The following RANBP17 variants were observed in gnomAD, a reference collection of about 807,000 sequenced individuals.
RANBP17 encodes the protein ran-binding protein 17.
Under a neutral mutation model 141.2 loss-of-function variants are expected in RANBP17, and 158 were observed. The observed-to-expected ratio is 1.12, with a 90% CI of 0.98 to 1.28. The LOEUF (loss-of-function observed/expected upper bound fraction) is 1.28, where lower values mean the gene tolerates loss of function less well. RANBP17 is among the 50% of genes most tolerant of loss of function. The probability of loss-of-function intolerance (pLI) is 0.00; values close to 1 mark genes in which losing one functional copy is unlikely to be tolerated. For synonymous variants in RANBP17, 430 were observed against 450.0 expected, an observed-to-expected ratio of 0.96 and a Z score of 0.56; for missense variants, 1,438 against 1,290.7, an observed-to-expected ratio of 1.11 and a Z score of -1.75.
chr5:170,996,530 C>T (rs12716267), intron 14 of RANBP17, among the ~76,000 whole-genome samples: 103,678 of 151,980 alleles, frequency 0.68, 35,570 homozygotes, highest in South Asian at 0.89. Flanking sequence ...CTGGAGCATT[C>T]TGATTTCATA....
chr5:171,090,289 T>C (rs1323118248), intron 14 of RANBP17, among the ~76,000 whole-genome samples: 1 of 152,198 alleles, frequency 6.6e-6, no homozygotes, highest in Non-Finnish European at 1.5e-5. Flanking sequence ...ACTCTTGTTA[T>C]GTTTTAGCAA....
intron 13 of RANBP17, among the ~76,000 whole-genome samples, chr5:170,961,063 G>C (rs145977163): frequency 6.6e-6 from 1 of 151,128 alleles, no homozygotes; most frequent in Non-Finnish European, 1.5e-5. Context: ...CCTTTAGATG[G>C]CTACACATGC....
intron 14 of RANBP17, among the ~76,000 whole-genome samples, chr5:171,020,063 C>G (rs1421454556): frequency 6.6e-6 from 1 of 152,128 alleles, no homozygotes; most frequent in Non-Finnish European, 1.5e-5. Context: ...TGTTCAGTTT[C>G]CATGTAATTG....
intron 14 of RANBP17, among the ~76,000 whole-genome samples, chr5:171,016,152 T>C (rs1780410066): frequency 6.6e-6 from 1 of 151,586 alleles, no homozygotes; most frequent in Non-Finnish European, 1.5e-5. Flanking sequence ...CTCACCCTTG[T>C]GTCCTGTTTC....
chr5:171,102,438 T>G (rs143040173), intron 14 of RANBP17, among the ~76,000 whole-genome samples: 6,992 of 152,108 alleles, frequency 0.046, 199 homozygotes, highest in East Asian at 0.12. Context: ...TTTTTTCAGC[T>G]CCATCAGGTC....
chr5:171,205,918 A>G, intron 20 of RANBP17: 1 of 427,240 alleles, frequency 2.3e-6, no homozygotes, highest in Non-Finnish European at 4.4e-6. Context: ...TTAGGGATCA[A>G]TGAATCCTAC....
chr5:171,088,309 A>G (rs1317636305), intron 14 of RANBP17, among the ~76,000 whole-genome samples: 5 of 152,142 alleles, frequency 3.3e-5, no homozygotes, highest in African/African-American at 1.2e-4. Flanking sequence ...CTTCTGGCTT[A>G]TAGGGTTTCT....
rs542131035 is a variant in RANBP17, at chr5:171,127,926, C to T, written c.1711-42204C>T. On this transcript the variant is annotated intron_variant, in intron 14 of 27. Transcript: ENST00000523189. ...CTGTAATCCCAGCACTTTGGGAGGC[C>T]GAGGCGGGCAGATCATGAGCAGGAG... is the stretch of plus-strand genomic sequence containing the variant. Among the ~76,000 whole-genome samples, 9 of 152,158 alleles carry T rather than the reference C, an allele frequency of 5.9e-5. No individual in the cohort carries two copies. The South Asian group carries it at 1.7e-3, about 28-fold the overall frequency.
At chr5:170,985,079 GCACA>G (rs369559248) in intron 14 of RANBP17, among the ~76,000 whole-genome samples, 12 of 145,464 alleles carry the variant, frequency 8.2e-5, no homozygotes, top group Non-Finnish European at 1.5e-4. Flanking sequence ...ACACACACAG[GCACA>G]CACACACGCA....
intron 24 of RANBP17, among the ~76,000 whole-genome samples, chr5:171,256,988 A>T (rs577047040): frequency 2.0e-5 from 3 of 152,304 alleles, no homozygotes; most frequent in Middle Eastern, 6.8e-3. Context: ...ATACAAAACC[A>T]AATATACAAA....
At chr5:171,181,307 G>A (rs1395781088) in intron 16 of RANBP17, among the ~76,000 whole-genome samples, 3 of 152,042 alleles carry the variant, frequency 2.0e-5, no homozygotes, top group Non-Finnish European at 4.4e-5. Context: ...AAAATTAGCC[G>A]GGCGTGGTGG....
At chr5:170,956,526 G>A (rs1775711896) in intron 13 of RANBP17, among the ~76,000 whole-genome samples, 1 of 151,824 alleles carries the variant, frequency 6.6e-6, no homozygotes, top group Non-Finnish European at 1.5e-5. Flanking sequence ...CCTCCTTAAA[G>A]TGCTTTAGTT....
At chr5:170,990,699 T>C (rs1360680076) in intron 14 of RANBP17, among the ~76,000 whole-genome samples, 2 of 152,022 alleles carry the variant, frequency 1.3e-5, no homozygotes, top group African/African-American at 4.8e-5. Flanking sequence ...GATCTCATTT[T>C]AATTCTGCTT....
chr5:171,215,370 T>C (rs1763154077), intron 21 of RANBP17, among the ~76,000 whole-genome samples: 3 of 152,174 alleles, frequency 2.0e-5, no homozygotes, highest in Non-Finnish European at 4.4e-5. Flanking sequence ...AACATACATG[T>C]GCATGTATGT....
At chr5:170,909,885 A>G in intron 6 of RANBP17, 120 bp downstream of exon 6, 1 of 591,710 alleles carries the variant, frequency 1.7e-6, no homozygotes, top group East Asian at 3.0e-5. Flanking sequence ...TTGTGGACAG[A>G]CTTAAGTATA....
At chr5:171,095,902 A>G (rs2446046) in intron 14 of RANBP17, among the ~76,000 whole-genome samples, 91,325 of 152,058 alleles carry the variant, frequency 0.6, 29,221 homozygotes, top group South Asian at 0.88. Context: ...ATGTATTTGT[A>G]CTATGTATGC....
intron 12 of RANBP17, among the ~76,000 whole-genome samples, chr5:170,953,253 A>G (rs144905992): frequency 2.0e-5 from 3 of 152,210 alleles, no homozygotes; most frequent in African/African-American, 7.2e-5. Flanking sequence ...TTTGTACTCA[A>G]ATTTATTTTC....
At chr5:171,108,455 C>T (rs1383165449) in intron 14 of RANBP17, among the ~76,000 whole-genome samples, 2 of 152,112 alleles carry the variant, frequency 1.3e-5, no homozygotes, top group African/African-American at 2.4e-5. Context: ...CTCTGTCACC[C>T]AGGCTGGAGT....
At chr5:171,022,124 G>T (rs1210914263) in intron 14 of RANBP17, among the ~76,000 whole-genome samples, 1 of 152,122 alleles carries the variant, frequency 6.6e-6, no homozygotes, top group Non-Finnish European at 1.5e-5. Context: ...CCCATACCTG[G>T]AGATGTCACT....
Sources: allele counts gnomAD v4.1 joint callset (sites outside exome capture counted in the v4.1 genomes callset), GRCh38; gene constraint gnomAD v4.1.1; transcripts MANE v1.5; gene names NCBI Gene and HGNC (gene_info 2026-07-23, HGNC 2026-07-21).